PROS1: variants seen among roughly 807,000 people sequenced by gnomAD.
PROS1 encodes the protein protein S.
PROS1 carries 29 observed loss-of-function variants against 75.9 expected under a neutral mutation model. The observed-to-expected ratio is 0.38, with a 90% CI of 0.28 to 0.52. PROS1 has a LOEUF of 0.52. Ranked by LOEUF, PROS1 falls within the 20% of genes least tolerant of loss-of-function variation. The pLI is 0.83. For synonymous variants in PROS1, 245 were observed against 280.6 expected (o/e 0.87, Z 1.27); for missense variants, 680 against 810.3 (o/e 0.84, Z 1.95).
intron 6 of PROS1, among the ~76,000 whole-genome samples, chr3:93,905,183 G>T (rs1438094532): frequency 1.3e-5 from 2 of 152,194 alleles, no homozygotes; most frequent in Non-Finnish European, 2.9e-5. Context: ...CAATGATTTT[G>T]CAAAGTTTGT....
At chr3:93,902,193 A>C (rs1420933949) in intron 6 of PROS1, among the ~76,000 whole-genome samples, 16 of 152,184 alleles carry the variant, frequency 1.1e-4, no homozygotes, top group Non-Finnish European at 2.1e-4. Flanking sequence ...CTTGTTACTA[A>C]GGAGGATAAG....
intron 1 of PROS1, chr3:93,967,839 T>G (rs1486701153): frequency 2.6e-5 from 4 of 152,282 alleles, no homozygotes; most frequent in Admixed American, 6.5e-5. Flanking sequence ...CAGTGAGACA[T>G]GATTGTGCTA....
intron 1 of PROS1, among the ~76,000 whole-genome samples, chr3:93,956,274 G>T (rs1203103328): frequency 1.3e-5 from 2 of 152,002 alleles, no homozygotes; most frequent in Admixed American, 6.6e-5. Context: ...TGGTTCTCAA[G>T]AATTTTATAA....
intron 1 of PROS1, among the ~76,000 whole-genome samples, chr3:93,968,693 T>G (rs2107271035): frequency 6.6e-6 from 1 of 152,212 alleles, no homozygotes; most frequent in Non-Finnish European, 1.5e-5. Context: ...AAGCTCAGAC[T>G]GCTGTGTTGC....
intron 8 of PROS1, 99 bp downstream of exon 8, chr3:93,898,349 G>T (rs763732936): frequency 7.3e-7 from 1 of 1,371,672 alleles, no homozygotes; most frequent in Non-Finnish European, 1.0e-6. Flanking sequence ...AATTATTGCA[G>T]AACGTCTGTA....
intron 12 of PROS1, among the ~76,000 whole-genome samples, chr3:93,882,023 A>AT (rs1311734222): frequency 6.6e-6 from 1 of 152,228 alleles, no homozygotes. Context: ...AATAATTAGA[A>AT]TTTATAAATA....
At chr3:93,877,327 AG>A in intron 13 of PROS1, 136 bp from the exon 14 acceptor site, 1 of 596,054 alleles carries the variant, frequency 1.7e-6, no homozygotes, top group Non-Finnish European at 2.9e-6. Flanking sequence ...TCTAAATTTA[AG>A]GGAAAAATCA....
intron 5 of PROS1, 25 bp from the exon 6 acceptor site, chr3:93,905,940 T>A (rs370089381): frequency 2.5e-6 from 4 of 1,612,370 alleles, no homozygotes; most frequent in Middle Eastern, 1.7e-4. Context: ...AAATAAATTA[T>A]TTTTAAAGTA....
At chr3:93,931,422 C>T (rs888744696) in intron 1 of PROS1, among the ~76,000 whole-genome samples, 1 of 152,118 alleles carries the variant, frequency 6.6e-6, no homozygotes, top group Non-Finnish European at 1.5e-5. Context: ...TAATAAAAGA[C>T]ATAGTAATTA....
chr3:93,945,218 A>G (rs1438351181), intron 1 of PROS1, among the ~76,000 whole-genome samples: 1 of 152,226 alleles, frequency 6.6e-6, no homozygotes, highest in Non-Finnish European at 1.5e-5. Context: ...GATGAATTCT[A>G]CCAGAGATAC....
intron 1 of PROS1, among the ~76,000 whole-genome samples, chr3:93,941,224 T>C (rs1437224855): frequency 6.6e-6 from 1 of 152,182 alleles, no homozygotes; most frequent in African/African-American, 2.4e-5. Flanking sequence ...ACCTACTTTG[T>C]AGCCCTGCCT....
chr3:93,886,230 T>C, intron 11 of PROS1, 106 bp downstream of exon 11: 1 of 1,003,606 alleles, frequency 1.0e-6, no homozygotes, highest in South Asian at 1.3e-5. Flanking sequence ...ACACTTAGTA[T>C]GCTTAACAAA....
chr3:93,944,961 G>A (rs1323987555), intron 1 of PROS1, among the ~76,000 whole-genome samples: 26 of 151,736 alleles, frequency 1.7e-4, no homozygotes, highest in East Asian at 1.4e-3. Flanking sequence ...TCAAATAGAC[G>A]CAATAAAAAA....
Position 93,952,586 on chromosome 3 carries a change from G to T in PROS1, c.76+21088C>A, listed in dbSNP as rs1478541556. ...TGGGACACATTTAAAGCAGTGTGTA[G>T]AGGGAAATTTATAGAACTAAAGGCT... On this transcript the variant is annotated intron_variant, in intron 1 of 14. Transcript: ENST00000394236. Among the ~76,000 whole-genome samples the T allele has an allele frequency of 3.9e-5, 6 of 152,348 alleles. No individual in the cohort carries two copies. In the East Asian group the frequency reaches 1.2e-3, roughly 29 times the overall value.
At chr3:93,929,095 T>C (rs1412941214) in intron 1 of PROS1, among the ~76,000 whole-genome samples, 3 of 152,224 alleles carry the variant, frequency 2.0e-5, no homozygotes, top group African/African-American at 7.2e-5. Flanking sequence ...ATGTCCTACA[T>C]ATATGCCCAT....
At chr3:93,943,851 C>A (rs1576207874) in intron 1 of PROS1, among the ~76,000 whole-genome samples, 1 of 152,106 alleles carries the variant, frequency 6.6e-6, no homozygotes, top group Non-Finnish European at 1.5e-5. Context: ...TCAGAAGCTC[C>A]CCCATTGAGC....
rs1460204210 is a variant in PROS1 at position 93,900,829 on chromosome 3, A to G, written c.702T>C (p.Tyr234=). Residue 234 remains tyrosine (Y), a synonymous_variant, in exon 7 of 15, where the codon TAT becomes TAC. Transcript: ENST00000394236. ...CTTCACAAGACTTTGATTTGAGATT[A>G]TATCTGTAGCCTTCGGGGCATTCAC... The part of the protein sequence containing the change: ...FECECPEGYR[Y]NLKSKSCEDI... 1.2e-6 allele frequency: 2 copies of G among 1,613,572 alleles called. No homozygotes were observed. Among genetic ancestry groups the G allele is most frequent in the Non-Finnish European group, 1.7e-6 (2 of 1,179,920 alleles).
Position 93,900,854 on chromosome 3 carries a change from C to A in PROS1, c.677G>T (p.Cys226Phe), listed in dbSNP as rs1553810751. 6.2e-7 allele frequency: 1 copy of A among 1,613,966 alleles called. No individual in the cohort carries two copies. The highest frequency in any genetic ancestry group is 8.5e-7 in the Non-Finnish European group (1 of 1,180,006). ...VCKNIPGDFE[C>F]ECPEGYRYNL... ...ATATCTGTAGCCTTCGGGGCATTCA[C>A]ATTCAAAATCTCCTGGGATGTTCTT... The change falls in exon 7 of 15, where the codon TGT (cysteine) becomes TTT (phenylalanine). Residue 226 changes from cysteine (C) to phenylalanine (F), a missense_variant. Coordinates refer to ENST00000394236, the MANE Select transcript of PROS1 (RefSeq NM_000313.4).
rs1358092593 is a variant in PROS1, at chr3:93,874,062, T to C, written c.*183A>G. On this transcript the variant is annotated 3_prime_UTR_variant, in exon 15 of 15. Transcript: ENST00000394236. ...TTAGATAGCAAGAGAAGTAAGAATT[T>C]CTTTACTGTGATTTATATCACAACA... The C allele has an allele frequency of 5.9e-6, 4 of 680,064 alleles. No homozygotes were observed. In the East Asian group the frequency reaches 1.2e-4, roughly 20 times the overall value. 42.1% of individuals were successfully genotyped at this position (680,064 alleles called of 1,614,324 possible). A position where few individuals can be genotyped will look rare whatever the true frequency, so the allele number is the denominator to read the frequency against.
Sources: gnomAD v4.1 joint callset for allele counts (sites outside exome capture counted in the v4.1 genomes callset) on GRCh38, gnomAD v4.1.1 for gene constraint, MANE v1.5 for transcripts, NCBI Gene and HGNC (gene_info 2026-07-23, HGNC 2026-07-21) for gene names.